Variants in OVCH2 observed in about 807,000 individuals in gnomAD.
OVCH2 encodes the protein ovochymase-2.
A neutral mutation model predicts 73.7 loss-of-function variants in OVCH2; 88 were observed. That is an observed-to-expected ratio of 1.19 (90% CI 1.01 to 1.43). The LOEUF is 1.43. Among genes scored for constraint, OVCH2 ranks in the 40% most tolerant of loss-of-function variants. OVCH2 has a pLI of 0.00. For missense variants in OVCH2, 706 were observed against 674.5 expected, an observed-to-expected ratio of 1.05 and a Z score of -0.52; for synonymous variants, 265 against 234.5, an observed-to-expected ratio of 1.13 and a Z score of -1.19.
chr11:7,698,801 G>C (rs986805479), intron 7 of OVCH2, 28 bp from the exon 8 acceptor site: 1 of 1,610,988 alleles, frequency 6.2e-7, no homozygotes, highest in African/African-American at 1.3e-5. Flanking sequence ...GGATGCAATT[G>C]AAAGCCTGTG....
chr11:7,693,610 C>A (rs1391490023), intron 12 of OVCH2, among the ~76,000 whole-genome samples: 1 of 152,226 alleles, frequency 6.6e-6, no homozygotes, highest in African/African-American at 2.4e-5. Context: ...AACATGCTCA[C>A]AACCTAAATT....
intron 12 of OVCH2, among the ~76,000 whole-genome samples, chr11:7,693,226 G>A (rs1365378471): frequency 6.6e-6 from 1 of 152,166 alleles, no homozygotes; most frequent in Non-Finnish European, 1.5e-5. Flanking sequence ...GAAACAGAAA[G>A]GATTGTGTGG....
chr11:7,694,137 A>G (rs187235161), intron 12 of OVCH2, among the ~76,000 whole-genome samples: 2 of 152,070 alleles, frequency 1.3e-5, no homozygotes, highest in East Asian at 1.9e-4. Context: ...TTTTCTCTCC[A>G]TCGTACACTG....
At position 7,701,778 on chromosome 11, in the gene OVCH2, A is replaced by G. The variant is rs772019340; in HGVS notation, c.497T>C (p.Leu166Pro). 3 of 1,612,326 alleles carry G rather than the reference A, an allele frequency of 1.9e-6. No individual in the cohort carries two copies. The highest frequency in any genetic ancestry group is 1.3e-5 in the African/African-American group (1 of 74,856). The change falls in exon 5 of 16, where the codon CTG becomes CCG. Residue 166 changes from leucine (L) to proline (P), a missense_variant. Coordinates refer to ENST00000533663, the MANE Select transcript of OVCH2 (RefSeq NM_198185.7). The part of the protein sequence containing the change: ...HFVGPICLPE[L>P]REQFEAGFIC... The stretch of plus-strand genomic sequence containing the variant: ...AAAACCAGCCTCAAATTGCTCCCGC[A>G]GCTCTGGAAGACATATGGGCCCCAC...
chr11:7,698,002 G>A (rs1005169675), intron 8 of OVCH2, among the ~76,000 whole-genome samples: 2 of 152,140 alleles, frequency 1.3e-5, no homozygotes, highest in East Asian at 3.8e-4. Flanking sequence ...CTCATCACAT[G>A]CCCTGTGCTT....
intron 15 of OVCH2, 108 bp from the exon 16 acceptor site, chr11:7,689,710 G>A (rs1212195665): frequency 3.1e-6 from 2 of 643,878 alleles, no homozygotes; most frequent in Admixed American, 2.1e-5. Context: ...AAGGACACTA[G>A]TCATACTGGA....
intron 12 of OVCH2, among the ~76,000 whole-genome samples, chr11:7,693,088 A>G (rs1172783454): frequency 6.6e-6 from 1 of 152,190 alleles, no homozygotes; most frequent in Non-Finnish European, 1.5e-5. Flanking sequence ...GTGATCTTGG[A>G]GCAGTTTGGT....
chr11:7,695,320 T>A, intron 11 of OVCH2, 132 bp from the exon 12 acceptor site: 1 of 1,120,382 alleles, frequency 8.9e-7, no homozygotes. Flanking sequence ...AGAAAAGACG[T>A]AGTGCATGAT....
In OVCH2 at chr11:7,695,655, T is replaced by C. The variant is rs1273949613; in HGVS notation, c.1197A>G (p.Leu399=). 1.3e-6 allele frequency: 2 copies of C among 1,599,596 alleles called. No homozygotes were observed. Among genetic ancestry groups the C allele is most frequent in the East Asian group, 2.2e-5 (1 of 44,876 alleles). ...PSSILIGSNS[L]RLKFVSDATD... is the part of the protein sequence containing the mutation. Reference sequence around the variant, plus strand: ...TGGCATCAGAGACGAATTTCAGCCTTAGAGAATTAGAGCCAATAAGAATGG... The same window carrying C: ...TGGCATCAGAGACGAATTTCAGCCTCAGAGAATTAGAGCCAATAAGAATGG... The change falls in exon 11 of 16, where the codon CTA becomes CTG. Residue 399 remains leucine (L), a synonymous_variant. Coordinates refer to ENST00000533663, the MANE Select transcript of OVCH2 (RefSeq NM_198185.7).
intron 5 of OVCH2, 60 bp from the exon 6 acceptor site, chr11:7,701,535 A>T (rs61888828): frequency 0.023 from 35,937 of 1,567,010 alleles, 513 homozygotes; most frequent in East Asian, 0.06. Context: ...TGAGTTGAAG[A>T]TGCATCATTT....
chr11:7,693,594 C>T (rs1344154839), intron 12 of OVCH2, among the ~76,000 whole-genome samples: 1 of 152,206 alleles, frequency 6.6e-6, no homozygotes, highest in Non-Finnish European at 1.5e-5. Flanking sequence ...TCTTCCTCCA[C>T]CTGGAAACAT....
rs772365355 is a variant in OVCH2 at position 7,695,588 on chromosome 11, T to G, written c.1264A>C (p.Lys422Gln). ...AGFNLTYKAL[K>Q]PNYIPDSGCS... ...GTTTTACCAGGAATGTAGTTTGGTTTAAGAGCTTTATAGGTAAGATTAAAC... is the reference window on the plus strand; with the variant it reads ...GTTTTACCAGGAATGTAGTTTGGTTGAAGAGCTTTATAGGTAAGATTAAAC... Residue 422 changes from lysine (K) to glutamine (Q), a missense_variant, in exon 11 of 16, where the codon AAA becomes CAA. By Grantham distance (53) the Lys-to-Gln change is moderately conservative. Transcript: ENST00000533663. 2 of 1,613,708 alleles carry G rather than the reference T, an allele frequency of 1.2e-6. No homozygotes were observed. Among genetic ancestry groups the G allele is most frequent in the South Asian group, 2.2e-5 (2 of 91,000 alleles).
At position 7,701,455 on chromosome 11, in the gene OVCH2, A is replaced by G. The variant is rs117143114; in HGVS notation, c.580T>C (p.Leu194=). ...LTEGGVLSQV[L]QEVNLPILTW... The stretch of plus-strand genomic sequence containing the variant: ...AAAATAGGCAGATTCACTTCCTGCA[A>G]GACTTGTGAGAGGACGCCACCTGAA... The change falls in exon 6 of 16, where the codon TTG becomes CTG. Residue 194 remains leucine (L), a synonymous_variant. Coordinates refer to ENST00000533663, the MANE Select transcript of OVCH2 (RefSeq NM_198185.7). 6.7e-3 allele frequency: 10,753 copies of G among 1,611,524 alleles called. 72 individuals carry two copies. Among genetic ancestry groups the G allele is most frequent in the South Asian group, 0.016 (1,453 of 90,268 alleles).
chr11:7,695,091 CCA>C lies in OVCH2; in HGVS notation c.1378_1379del (p.Trp460AspfsTer11). 1 of 1,551,240 alleles carries C rather than the reference CCA, an allele frequency of 6.4e-7. No individual in the cohort carries two copies. ...ENYSDKANCD[W>X]IFQASKHHLI... is the part of the protein sequence containing the mutation. ...GGTGATGTTTGGAGGCTTGAAAAAT[CCA>C]GTCACAGTTAGCCTTGTCACTGTAG... On this transcript the variant is annotated frameshift_variant, in exon 12 of 16. Transcript: ENST00000533663. LOFTEE classifies it high-confidence loss of function.
chr11:7,683,228 T>C, the OVCH2 span, among the ~76,000 whole-genome samples: 31 of 152,312 alleles, frequency 2.0e-4, 1 homozygote, highest in East Asian at 3.7e-3. Flanking sequence ...AATAGGCAAA[T>C]CAAACTTGGC....
downstream of OVCH2, among the ~76,000 whole-genome samples, chr11:7,687,245 C>T (rs773628589): frequency 1.2e-4 from 18 of 151,442 alleles, no homozygotes; most frequent in Non-Finnish European, 1.5e-4. Context: ...GATATTTCTG[C>T]GCAAATTGTC....
intron 10 of OVCH2, among the ~76,000 whole-genome samples, chr11:7,696,231 G>A (rs1856329324): frequency 6.6e-6 from 1 of 152,132 alleles, no homozygotes; most frequent in South Asian, 2.1e-4. Flanking sequence ...CTGGCAAATG[G>A]GCCTAGGAAG....
At position 7,702,336 on chromosome 11, in the gene OVCH2, A is replaced by C. The variant is rs755965136; in HGVS notation, c.291-7T>G. On this transcript the variant is annotated splice_polypyrimidine_tract_variant and splice_region_variant and intron_variant, in intron 3 of 15. Coordinates refer to ENST00000533663, the MANE Select transcript of OVCH2 (RefSeq NM_198185.7). ...CAAAGTAGACACAATGTTTCTATGG[A>C]AAGCAAAGAGTAAAATGAATGAATT... 7.0e-6 allele frequency: 11 copies of C among 1,576,980 alleles called. No individual in the cohort carries two copies. The highest frequency in any genetic ancestry group is 9.4e-6 in the Non-Finnish European group (11 of 1,165,282).
In OVCH2 at chr11:7,702,150, T is replaced by C. The variant is rs773389918; in HGVS notation, c.463+7A>G. On this transcript the variant is annotated splice_region_variant and intron_variant, in intron 4 of 15. Transcript: ENST00000533663. ...TAGACAATTCAGTATGATCCTCAAA[T>C]GTTTACCAAATTGGAAGGCTCCAGC... The C allele has an allele frequency of 6.3e-7, 1 of 1,598,874 alleles. No individual in the cohort carries two copies. The highest frequency in any genetic ancestry group is 8.6e-7 in the Non-Finnish European group (1 of 1,168,088).
Sources: gnomAD v4.1 joint callset for allele counts (sites outside exome capture counted in the v4.1 genomes callset) on GRCh38, gnomAD v4.1.1 for gene constraint, MANE v1.5 for transcripts, NCBI Gene and HGNC (gene_info 2026-07-23, HGNC 2026-07-21) for gene names.